The following ATP2A2 variants were observed in gnomAD, a reference collection of about 807,000 sequenced individuals.
The protein encoded by ATP2A2 is ATPase sarcoplasmic/endoplasmic reticulum Ca2+ transporting 2.
ATP2A2 carries 14 observed loss-of-function variants against 109.3 expected under a neutral mutation model. That is an observed-to-expected ratio of 0.13 (90% CI 0.08 to 0.20). The LOEUF (loss-of-function observed/expected upper bound fraction) is 0.20. Ranked by LOEUF, ATP2A2 falls within the 10% of genes least tolerant of loss-of-function variation. The pLI is 1.00. For missense variants in ATP2A2, 657 were observed against 1,321.6 expected, an observed-to-expected ratio of 0.50 and a Z score of 7.80; for synonymous variants, 506 against 490.9, an observed-to-expected ratio of 1.03 and a Z score of -0.41.
At chr12:110,333,546 A>G (rs982173971) in intron 10 of ATP2A2, among the ~76,000 whole-genome samples, 4 of 152,234 alleles carry the variant, frequency 2.6e-5, no homozygotes, top group Admixed American at 6.5e-5. Context: ...TGTTGATAGC[A>G]TACTTACTAT....
At chr12:110,307,603 A>G (rs1032377836) in intron 5 of ATP2A2, among the ~76,000 whole-genome samples, 1 of 152,080 alleles carries the variant, frequency 6.6e-6, no homozygotes, top group East Asian at 1.9e-4. Flanking sequence ...TCTACTAGTG[A>G]TGTTGAGCAT....
chr12:110,338,373 C>G (rs1047509633), intron 11 of ATP2A2, among the ~76,000 whole-genome samples: 3 of 152,238 alleles, frequency 2.0e-5, no homozygotes, highest in African/African-American at 7.2e-5. Flanking sequence ...GTGGACAGCT[C>G]TGCTTGGGGC....
At chr12:110,317,857 A>C (rs1184381829) in intron 5 of ATP2A2, among the ~76,000 whole-genome samples, 1 of 152,238 alleles carries the variant, frequency 6.6e-6, no homozygotes, top group East Asian at 1.9e-4. Flanking sequence ...TTCTGATTGG[A>C]AATCTTTATT....
chr12:110,345,627 A>G (rs979613380), intron 18 of ATP2A2: 15 of 625,568 alleles, frequency 2.4e-5, no homozygotes, highest in Non-Finnish European at 3.3e-5. Context: ...AAAAATAGGA[A>G]CTTTGGTACC....
chr12:110,285,531 C>A (rs1427829672), intron 3 of ATP2A2, among the ~76,000 whole-genome samples: 1 of 152,110 alleles, frequency 6.6e-6, no homozygotes, highest in African/African-American at 2.4e-5. Context: ...CAGACAGAGA[C>A]CCTTACCTGG....
intron 4 of ATP2A2, among the ~76,000 whole-genome samples, chr12:110,293,471 TG>T (rs1331872578): frequency 1.3e-5 from 2 of 149,562 alleles, no homozygotes; most frequent in African/African-American, 2.5e-5. Flanking sequence ...CTTGGCTCAC[TG>T]CAACCTCCAC....
chr12:110,316,231 T>C (rs1876653952), intron 5 of ATP2A2, among the ~76,000 whole-genome samples: 1 of 152,264 alleles, frequency 6.6e-6, no homozygotes, highest in Non-Finnish European at 1.5e-5. Flanking sequence ...AGACATTTTT[T>C]GTCTTCTGAC....
intron 3 of ATP2A2, among the ~76,000 whole-genome samples, chr12:110,288,285 A>G (rs1872875232): frequency 6.6e-6 from 1 of 151,510 alleles, no homozygotes; most frequent in Non-Finnish European, 1.5e-5. Flanking sequence ...ATTTTTTTTT[A>G]TACACATAGG....
intron 5 of ATP2A2, among the ~76,000 whole-genome samples, chr12:110,303,402 TTTTGTTTGTTTG>T (rs201303666): frequency 5.3e-5 from 8 of 151,616 alleles, no homozygotes; most frequent in Non-Finnish European, 7.4e-5. Context: ...TTGCTTGCTT[TTTTGTTTGTTTG>T]TTTGTTTGTT....
intron 5 of ATP2A2, among the ~76,000 whole-genome samples, chr12:110,314,109 A>G (rs1876399649): frequency 6.6e-6 from 1 of 151,842 alleles, no homozygotes; most frequent in African/African-American, 2.4e-5. Flanking sequence ...CGGGCAGATC[A>G]CCTGAGGTCA....
At position 110,339,564 on chromosome 12, in the gene ATP2A2, C is replaced by T. The variant is rs1592859363; in HGVS notation, c.1604C>T (p.Pro535Leu). 1 of 1,614,164 alleles carries T rather than the reference C, an allele frequency of 6.2e-7. No homozygotes were observed. Among genetic ancestry groups the T allele is most frequent in the Non-Finnish European group, 8.5e-7 (1 of 1,180,040 alleles). ...ATTCGAGTTGGAAGTACTAAGGTTC[C>T]TATGACCTCTGGAGTCAAACAGAAG... ...THIRVGSTKV[P>L]MTSGVKQKIM... The change falls in exon 13 of 20, where the codon CCT becomes CTT. Residue 535 changes from proline to leucine, a missense_variant. Pro to Leu is a moderately conservative substitution (Grantham distance 98). Coordinates refer to ENST00000539276, the MANE Select transcript of ATP2A2 (RefSeq NM_170665.4). This position sits in a 1 kb window ranked among gnomAD's most constrained non-coding sequence, Gnocchi z 4.4.
rs550767066 is a variant in ATP2A2 at position 110,347,866 on chromosome 12, A to T, written c.*1396A>T. Reference sequence around the variant, plus strand: ...CCACCAAGTGAGATAACTGTATGTCACTAACTTATAAGCCGCCTCCATGGC... The same window carrying T: ...CCACCAAGTGAGATAACTGTATGTCTCTAACTTATAAGCCGCCTCCATGGC... On this transcript the variant is annotated 3_prime_UTR_variant, in exon 20 of 20. Coordinates refer to ENST00000539276, the MANE Select transcript of ATP2A2 (RefSeq NM_170665.4). 1 of 1,006,290 alleles carries T rather than the reference A, an allele frequency of 9.9e-7. No homozygotes were observed. The allele number at this position is 1,006,290 out of a possible 1,614,324, so 62.3% of individuals were successfully genotyped here. A position where few individuals can be genotyped will look rare whatever the true frequency, so the allele number is the denominator to read the frequency against.
At chr12:110,289,970 C>T (rs1039311166) in intron 3 of ATP2A2, among the ~76,000 whole-genome samples, 5 of 152,162 alleles carry the variant, frequency 3.3e-5, no homozygotes, top group Non-Finnish European at 5.9e-5. Flanking sequence ...TAAATCTTAA[C>T]AAGTTTATAG....
In ATP2A2 at chr12:110,348,063, G is replaced by A. The variant is rs1191890555; in HGVS notation, c.*1593G>A. 17 of 986,390 alleles carry A rather than the reference G, an allele frequency of 1.7e-5. No individual in the cohort carries two copies. Among genetic ancestry groups the A allele is most frequent in the Non-Finnish European group, 2.0e-5 (17 of 830,716 alleles). 61.1% of individuals were successfully genotyped at this position (986,390 alleles called of 1,614,324 possible). On this transcript the variant is annotated 3_prime_UTR_variant, in exon 20 of 20. Transcript: ENST00000539276. Reference sequence around the variant, plus strand: ...CAAGCCAGACAAAAGCCGGAGTGGGGAGAGAGGCATTTCAGCCAGACCAAC... The same window carrying A: ...CAAGCCAGACAAAAGCCGGAGTGGGAAGAGAGGCATTTCAGCCAGACCAAC...
At chr12:110,312,968 G>A (rs1005770814) in intron 5 of ATP2A2, among the ~76,000 whole-genome samples, 5 of 152,060 alleles carry the variant, frequency 3.3e-5, no homozygotes, top group South Asian at 2.1e-4. Context: ...TCTAGAAAAC[G>A]GATAAGCAGA....
In ATP2A2 at chr12:110,333,173, T is replaced by G; in HGVS notation, c.1185-8T>G. On this transcript the variant is annotated splice_region_variant and splice_polypyrimidine_tract_variant and intron_variant, in intron 9 of 19. Coordinates refer to ENST00000539276, the MANE Select transcript of ATP2A2 (RefSeq NM_170665.4). ...ACCCTGCTCTAAGAGTGTTTTCTCT[T>G]TGGGCAGGCATAAAGATGATAAACC... is the stretch of plus-strand genomic sequence containing the variant. 2 of 1,611,302 alleles carry G rather than the reference T, an allele frequency of 1.2e-6. No homozygotes were observed. Among genetic ancestry groups the G allele is most frequent in the Non-Finnish European group, 1.7e-6 (2 of 1,177,574 alleles).
intron 5 of ATP2A2, among the ~76,000 whole-genome samples, chr12:110,297,104 T>C (rs528103530): frequency 6.6e-6 from 1 of 152,334 alleles, no homozygotes; most frequent in African/African-American, 2.4e-5. Context: ...GTTTTGTTTC[T>C]TGGCACCAAA....
chr12:110,342,270 G>A lies in ATP2A2; in HGVS notation c.2140G>A (p.Glu714Lys). ...VNDAPALKKA[E>K]IGIAMGSGTA... is the part of the protein sequence containing the mutation. ...CGATGCTCCTGCTCTGAAGAAAGCC[G>A]AGATTGGCATTGCTATGGGCTCTGG... is the stretch of plus-strand genomic sequence containing the variant. The change falls in exon 15 of 20, where the codon GAG (glutamate) becomes AAG (lysine). Residue 714 changes from glutamate (E) to lysine (K), a missense_variant. By Grantham distance (56) the Glu-to-Lys change is moderately conservative (BLOSUM62 1). Coordinates refer to ENST00000539276, the MANE Select transcript of ATP2A2 (RefSeq NM_170665.4). This position sits in a 1 kb window ranked among gnomAD's most constrained non-coding sequence, Gnocchi z 4.6. The A allele has an allele frequency of 1.9e-6, 3 of 1,614,238 alleles. No homozygotes were observed. The highest frequency in any genetic ancestry group is 2.5e-6 in the Non-Finnish European group (3 of 1,180,044).
At chr12:110,332,081 G>GATCTCGGTGGTCGCCGTATCATGAA in intron 8 of ATP2A2, 1 of 186,500 alleles carries the variant, frequency 5.4e-6, no homozygotes, top group Non-Finnish European at 1.1e-5. Flanking sequence ...AAGGAGCAGA[G>GATCTCGGTGGTCGCCGTATCATGAA]AAGCAGTTTG....
Sources: gnomAD v4.1 joint callset for allele counts (sites outside exome capture counted in the v4.1 genomes callset) on GRCh38, gnomAD v4.1.1 for gene constraint, Gnocchi (gnomAD v3.1) non-coding constraint, MANE v1.5 for transcripts, NCBI Gene and HGNC (gene_info 2026-07-23, HGNC 2026-07-21) for gene names.